FRMD4A: variants seen among roughly 807,000 people sequenced by gnomAD.
The protein encoded by FRMD4A is FERM domain-containing protein 4A.
FRMD4A carries 29 observed loss-of-function variants against 129.1 expected under a neutral mutation model. The observed-to-expected ratio is 0.22, with a 90% CI of 0.17 to 0.31. FRMD4A has a LOEUF of 0.31. FRMD4A is among the 10% of genes least tolerant of loss of function. The pLI, the probability that FRMD4A is intolerant of heterozygous loss-of-function variation, is 1.00. For synonymous variants in FRMD4A, 634 were observed against 571.6 expected, an observed-to-expected ratio of 1.11 and a Z score of -1.56; for missense variants, 1,272 against 1,375.8, an observed-to-expected ratio of 0.92 and a Z score of 1.19.
intron 2 of FRMD4A, among the ~76,000 whole-genome samples, chr10:14,297,661 G>A (rs1378195624): frequency 6.6e-6 from 1 of 152,064 alleles, no homozygotes; most frequent in South Asian, 2.1e-4. Flanking sequence ...CCTACTCTAC[G>A]TTAACCACTT....
intron 2 of FRMD4A, among the ~76,000 whole-genome samples, chr10:14,118,395 C>T (rs1377712304): frequency 1.3e-5 from 2 of 152,180 alleles, no homozygotes; most frequent in African/African-American, 4.8e-5. Flanking sequence ...GAACTTCAGT[C>T]ACTGGCCAAA....
chr10:13,670,408 C>T lies in FRMD4A; in HGVS notation c.1372G>A (p.Glu458Lys), dbSNP rs1372071492. The T allele has an allele frequency of 1.9e-6, 3 of 1,612,968 alleles. No individual in the cohort carries two copies. Among genetic ancestry groups the T allele is most frequent in the African/African-American group, 1.3e-5 (1 of 74,892 alleles). Residue 458 changes from glutamate to lysine, a missense_variant and splice_region_variant, in exon 17 of 25, where the codon GAG becomes AAG. Coordinates refer to ENST00000357447, the MANE Select transcript of FRMD4A (RefSeq NM_018027.5). ...AACAACAGAAAGGAAGGACGCACCT[C>T]TCCTTTGGGCAGGATTTTCTGTTCA... Reference protein sequence around the residue: ...LDEQKILPKGEEAELERLERE... With the variant: ...LDEQKILPKGKEAELERLERE...
At chr10:14,147,142 G>A (rs1241694906) in intron 2 of FRMD4A, among the ~76,000 whole-genome samples, 1 of 152,160 alleles carries the variant, frequency 6.6e-6, no homozygotes, top group Non-Finnish European at 1.5e-5. Context: ...TTTTCGAAAA[G>A]GAACACATTT....
chr10:13,884,174 A>ACACACACACG (rs769193704), intron 2 of FRMD4A, among the ~76,000 whole-genome samples: 5 of 105,244 alleles, frequency 4.8e-5, no homozygotes, highest in South Asian at 4.1e-4. Flanking sequence ...ACACTCACAC[A>ACACACACACG]CTCACACACA....
intron 6 of FRMD4A, among the ~76,000 whole-genome samples, chr10:13,780,865 T>A (rs566338921): frequency 5.6e-4 from 85 of 152,132 alleles, no homozygotes; most frequent in Non-Finnish European, 8.8e-4. Flanking sequence ...GGGAATAGGG[T>A]CTCGAGGAGA....
intron 12 of FRMD4A, among the ~76,000 whole-genome samples, chr10:13,718,613 T>C (rs1433018595): frequency 6.6e-6 from 1 of 152,268 alleles, no homozygotes; most frequent in Non-Finnish European, 1.5e-5. Flanking sequence ...TTTAGAGCTC[T>C]GCTCTTTCCC....
chr10:14,127,466 T>G (rs1838909508), intron 2 of FRMD4A, among the ~76,000 whole-genome samples: 2 of 152,088 alleles, frequency 1.3e-5, no homozygotes, highest in Admixed American at 6.6e-5. Flanking sequence ...ATGGAGAAGG[T>G]TTTTAGGGCC....
intron 15 of FRMD4A, among the ~76,000 whole-genome samples, chr10:13,683,755 C>T (rs1330200705): frequency 1.3e-5 from 2 of 151,776 alleles, no homozygotes; most frequent in Admixed American, 1.3e-4. Flanking sequence ...CTCTGTCGCC[C>T]AGGCTGGAGT....
chr10:14,139,458 T>A (rs201665554), intron 2 of FRMD4A, among the ~76,000 whole-genome samples: 8 of 96,334 alleles, frequency 8.3e-5, no homozygotes, highest in East Asian at 5.2e-4. Context: ...TTATTTTTTT[T>A]AATTTTTTTG....
chr10:14,228,302 C>G (rs545088404), intron 2 of FRMD4A, among the ~76,000 whole-genome samples: 2 of 152,144 alleles, frequency 1.3e-5, no homozygotes, highest in South Asian at 4.1e-4. Context: ...TATACAATGA[C>G]GATATATTCA....
At chr10:14,178,900 G>A (rs903504186) in intron 2 of FRMD4A, among the ~76,000 whole-genome samples, 2 of 152,132 alleles carry the variant, frequency 1.3e-5, no homozygotes, top group African/African-American at 4.8e-5. Context: ...CTACTTTGTG[G>A]TAGGTGGACT....
In FRMD4A at chr10:13,896,681, T is replaced by TA. The variant is rs202088490; in HGVS notation, c.46-37770dup. 1.2e-3 allele frequency among the ~76,000 whole-genome samples: 182 copies of TA among 146,848 alleles called. 1 individual carries two copies. The East Asian group carries it at 0.021, about 17-fold the overall frequency. On this transcript the variant is annotated intron_variant, in intron 2 of 24. Transcript: ENST00000357447. ...GCACATGTGTCCCAGAACTTGAAGT[T>TA]AAAAAAAAAAGAAAGAAAAGAAATA...
rs555317078 is a variant in FRMD4A at position 14,126,160 on chromosome 10, C to A, written c.45+203898G>T. Among the ~76,000 whole-genome samples the A allele has an allele frequency of 7.5e-5, 11 of 145,794 alleles. No individual in the cohort carries two copies. In the East Asian group the frequency reaches 2.3e-3, roughly 31 times the overall value. On this transcript the variant is annotated intron_variant, in intron 2 of 24. Transcript: ENST00000357447. ...CCTTATGTCCTCACCCATCACAAAACCTTGCCCACTTTTTTTTTTTTTTTT... is the reference window on the plus strand; with the variant it reads ...CCTTATGTCCTCACCCATCACAAAAACTTGCCCACTTTTTTTTTTTTTTTT...
At chr10:13,776,174 C>G (rs1344863469) in intron 6 of FRMD4A, among the ~76,000 whole-genome samples, 1 of 152,086 alleles carries the variant, frequency 6.6e-6, no homozygotes, top group Non-Finnish European at 1.5e-5. Context: ...GTGATCTGGA[C>G]TCTTGGACTC....
intron 2 of FRMD4A, among the ~76,000 whole-genome samples, chr10:14,192,154 A>G (rs1842338842): frequency 6.6e-6 from 1 of 152,162 alleles, no homozygotes; most frequent in African/African-American, 2.4e-5. Context: ...GGGAATTCCA[A>G]TTCACTGACT....
At position 14,325,843 on chromosome 10, in the gene FRMD4A, G is replaced by C. The variant is rs184835045; in HGVS notation, c.45+4215C>G. Among the ~76,000 whole-genome samples, 418 of 152,264 alleles carry C rather than the reference G, an allele frequency of 2.7e-3. 1 individual carries two copies. The highest frequency in any genetic ancestry group is 3.9e-3 in the Non-Finnish European group (263 of 68,018). On this transcript the variant is annotated intron_variant, in intron 2 of 24. Transcript: ENST00000357447. ...AGGGAGATAAACTCATAGAACAGCA[G>C]GTTACCCATTGAAATCTATTAAACA...
intron 2 of FRMD4A, among the ~76,000 whole-genome samples, chr10:14,237,621 G>T (rs1373335012): frequency 6.6e-6 from 1 of 152,188 alleles, no homozygotes; most frequent in African/African-American, 2.4e-5. Context: ...GTGAGCCACT[G>T]CACCTGGCTG....
chr10:13,785,865 T>C (rs191858875), intron 5 of FRMD4A, among the ~76,000 whole-genome samples: 2 of 147,418 alleles, frequency 1.4e-5, no homozygotes, highest in Admixed American at 7.0e-5. Flanking sequence ...AGTAAGAACA[T>C]GTGGTGTTTG....
chr10:14,257,650 A>T (rs973253516), intron 2 of FRMD4A, among the ~76,000 whole-genome samples: 1 of 152,220 alleles, frequency 6.6e-6, no homozygotes, highest in African/African-American at 2.4e-5. Context: ...TGGTGTCCTT[A>T]CAAGAAAACA....
Sources: gnomAD v4.1 joint callset for allele counts (sites outside exome capture counted in the v4.1 genomes callset) on GRCh38, gnomAD v4.1.1 for gene constraint, MANE v1.5 for transcripts, NCBI Gene and HGNC (gene_info 2026-07-23, HGNC 2026-07-21) for gene names.